TENM2: variants seen among roughly 807,000 people sequenced by gnomAD.
TENM2 encodes the protein teneurin-2.
TENM2 carries 52 observed loss-of-function variants against 245.2 expected under a neutral mutation model. The ratio of observed to expected loss-of-function variants is 0.21; its 90% CI spans 0.17 to 0.27. The LOEUF (loss-of-function observed/expected upper bound fraction) is 0.27. Among genes scored for constraint, TENM2 ranks in the 10% least tolerant of loss-of-function variants. The pLI is 1.00. For synonymous variants in TENM2, 1,363 were observed against 1,438.9 expected (o/e 0.95, Z 1.19); for missense variants, 3,046 against 3,666.8 (o/e 0.83, Z 4.37).
At chr5:167,338,072 A>C (rs1757882343) in intron 1 of TENM2, among the ~76,000 whole-genome samples, 1 of 152,228 alleles carries the variant, frequency 6.6e-6, no homozygotes, top group African/African-American at 2.4e-5. Context: ...GGACAATCTC[A>C]TAATTAAAAT....
chr5:167,087,807 T>TTA, the TENM2 span, among the ~76,000 whole-genome samples: 1 of 151,486 alleles, frequency 6.6e-6, no homozygotes, highest in Non-Finnish European at 1.5e-5. Flanking sequence ...TTTTTTTTTT[T>TTA]AAAACAGAGT....
At chr5:167,145,575 C>T in the TENM2 span, among the ~76,000 whole-genome samples, 1 of 152,140 alleles carries the variant, frequency 6.6e-6, no homozygotes, top group Non-Finnish European at 1.5e-5. Flanking sequence ...GTGGATTTCA[C>T]AGTTAGGGAA....
rs1764056080 is a variant in TENM2 at position 167,779,714 on chromosome 5, G to A, written c.503-96272G>A. On this transcript the variant is annotated intron_variant, in intron 2 of 28. Transcript: ENST00000518659. ...GCTCCCCTCTTCGTGTTTGAATCAA[G>A]TAACATACCAGAACAAACAAGTCTC... Among the ~76,000 whole-genome samples, 6 of 152,308 alleles carry A rather than the reference G, an allele frequency of 3.9e-5. No homozygotes were observed. In the South Asian group the frequency reaches 1.2e-3, roughly 32 times the overall value.
intron 2 of TENM2, among the ~76,000 whole-genome samples, chr5:167,506,174 A>G (rs1201786361): frequency 1.3e-5 from 2 of 152,192 alleles, no homozygotes; most frequent in South Asian, 2.1e-4. Flanking sequence ...TTTATATAGT[A>G]CTTGCTCCAT....
At chr5:167,539,722 A>G (rs538102089) in intron 2 of TENM2, among the ~76,000 whole-genome samples, 3 of 152,338 alleles carry the variant, frequency 2.0e-5, no homozygotes, top group South Asian at 4.1e-4. Context: ...GCTTTCTTCC[A>G]TATGCAAAAT....
rs759931619 is a variant in TENM2, at chr5:167,975,831, T to TA, written c.948-17100dup. 2.0e-3 allele frequency among the ~76,000 whole-genome samples: 281 copies of TA among 141,662 alleles called. 2 individuals are homozygous for TA. Among genetic ancestry groups the TA allele is most frequent in the South Asian group, 4.6e-3 (20 of 4,334 alleles). The allele number at this position is 141,662 out of a possible 152,430, so 92.9% of individuals were successfully genotyped here. A position where few individuals can be genotyped will look rare whatever the true frequency, so the allele number is the denominator to read the frequency against. On this transcript the variant is annotated intron_variant, in intron 4 of 28. Transcript: ENST00000518659. ...AGATCACTACTGTTTATTTGAGGGT[T>TA]AAAAAAAAAAAAAGCAACAGTGCCC... is the stretch of plus-strand genomic sequence containing the variant.
rs142481442 is a variant in TENM2 at position 167,680,759 on chromosome 5, C to T, written c.503-195227C>T. Among the ~76,000 whole-genome samples the T allele has an allele frequency of 4.3e-4, 66 of 152,286 alleles. 1 individual carries two copies. The highest frequency in any genetic ancestry group is 3.4e-3 in the Middle Eastern group (1 of 294). On this transcript the variant is annotated intron_variant, in intron 2 of 28. Transcript: ENST00000518659. The stretch of plus-strand genomic sequence containing the variant: ...TTGAGATAAAAACATCTATCTACCA[C>T]GCATCCTCGTCATTCCAAATTACAA...
the TENM2 span, among the ~76,000 whole-genome samples, chr5:167,158,581 G>A: frequency 6.6e-6 from 1 of 152,116 alleles, no homozygotes; most frequent in African/African-American, 2.4e-5. Flanking sequence ...CTGATCTGGT[G>A]CAGTCTGGTA....
chr5:168,219,147 C>G (rs968612466), intron 23 of TENM2, 148 bp downstream of exon 25: 17 of 750,584 alleles, frequency 2.3e-5, no homozygotes, highest in Non-Finnish European at 3.4e-5. Flanking sequence ...ACATTCATGT[C>G]CCCTCTCCCT....
intron 2 of TENM2, among the ~76,000 whole-genome samples, chr5:167,533,822 G>A (rs1016483700): frequency 2.6e-5 from 4 of 152,098 alleles, no homozygotes; most frequent in Admixed American, 1.3e-4. Flanking sequence ...AAATGGAAAG[G>A]AAGATCTAGA....
intron 2 of TENM2, among the ~76,000 whole-genome samples, chr5:167,515,659 A>ATG (rs1770308702): frequency 1.6e-4 from 15 of 95,382 alleles, no homozygotes; most frequent in African/African-American, 4.5e-4. Flanking sequence ...ACACATATAT[A>ATG]CGTATATATG....
intron 2 of TENM2, among the ~76,000 whole-genome samples, chr5:167,556,551 T>C (rs559863220): frequency 6.6e-5 from 10 of 152,292 alleles, no homozygotes; most frequent in Admixed American, 3.9e-4. Context: ...TATGTACTTA[T>C]GTAAACCCAC....
intron 9 of TENM2, among the ~76,000 whole-genome samples, chr5:168,103,972 G>A (rs1794033758): frequency 6.6e-6 from 1 of 152,120 alleles, no homozygotes; most frequent in Non-Finnish European, 1.5e-5. Flanking sequence ...TCCCGGCTGT[G>A]GGCCATGATC....
chr5:168,056,725 C>G (rs1789573577), intron 6 of TENM2, among the ~76,000 whole-genome samples: 2 of 152,208 alleles, frequency 1.3e-5, no homozygotes, highest in Non-Finnish European at 2.9e-5. Flanking sequence ...AACTTCCAGT[C>G]CTGCAAATTC....
intron 12 of TENM2, among the ~76,000 whole-genome samples, chr5:168,135,612 TAGC>T (rs1754982291): frequency 6.6e-6 from 1 of 152,076 alleles, no homozygotes; most frequent in Non-Finnish European, 1.5e-5. Context: ...CCACACAAAA[TAGC>T]AGCTACACGA....
At chr5:167,413,955 T>C (rs1763036951) in intron 2 of TENM2, among the ~76,000 whole-genome samples, 1 of 152,130 alleles carries the variant, frequency 6.6e-6, no homozygotes, top group South Asian at 2.1e-4. Flanking sequence ...CTGTTGTATA[T>C]TGATGAAAGG....
intron 2 of TENM2, among the ~76,000 whole-genome samples, chr5:167,452,789 G>C (rs1765661471): frequency 6.6e-6 from 1 of 151,192 alleles, no homozygotes; most frequent in Admixed American, 6.6e-5. Flanking sequence ...TGTGGGGTAG[G>C]GGGAGCGGGG....
chr5:167,683,246 T>C (rs1037691426), intron 2 of TENM2, among the ~76,000 whole-genome samples: 2 of 128,732 alleles, frequency 1.6e-5, no homozygotes, highest in Non-Finnish European at 3.1e-5. Flanking sequence ...TGAAGGACCA[T>C]GTCTTTTTTT....
intron 27 of TENM2, among the ~76,000 whole-genome samples, chr5:168,256,123 G>A (rs1767634293): frequency 6.6e-6 from 1 of 151,782 alleles, no homozygotes; most frequent in Non-Finnish European, 1.5e-5. Flanking sequence ...TTTTTTAATG[G>A]ATTTACCTAA....
Sources: gnomAD v4.1 joint callset for allele counts (sites outside exome capture counted in the v4.1 genomes callset) on GRCh38, gnomAD v4.1.1 for gene constraint, MANE v1.5 for transcripts, NCBI Gene and HGNC (gene_info 2026-07-23, HGNC 2026-07-21) for gene names.